MAGI1: variants seen among roughly 807,000 people sequenced by gnomAD.
The protein encoded by MAGI1 is membrane-associated guanylate kinase, WW and PDZ domain-containing protein 1.
In MAGI1, 58 loss-of-function variants were observed where a neutral mutation model predicts 139.9. The observed-to-expected ratio is 0.41, with a 90% CI of 0.34 to 0.52. The LOEUF is 0.52. Among genes scored for constraint, MAGI1 ranks in the 20% least tolerant of loss-of-function variants. MAGI1 has a pLI of 0.12. For missense variants in MAGI1, 1,874 were observed against 1,901.6 expected, an observed-to-expected ratio of 0.99 and a Z score of 0.27; for synonymous variants, 812 against 737.9, an observed-to-expected ratio of 1.10 and a Z score of -1.63.
At chr3:65,359,781 A>G (rs1360023022) in intron 22 of MAGI1, 13 of 985,546 alleles carry the variant, frequency 1.3e-5, no homozygotes, top group Non-Finnish European at 1.6e-5. Flanking sequence ...CCCAAAGAAC[A>G]TTTGTTAGTG....
intron 1 of MAGI1, among the ~76,000 whole-genome samples, chr3:65,892,667 G>C (rs947859139): frequency 1.3e-5 from 2 of 152,090 alleles, no homozygotes; most frequent in African/African-American, 4.8e-5. Flanking sequence ...TCCCAAATCA[G>C]CCTAACAGTA....
rs115918492 is a variant in MAGI1 at position 65,620,846 on chromosome 3, A to G, written c.430+1126T>C. 3.8e-3 allele frequency among the ~76,000 whole-genome samples: 573 copies of G among 152,296 alleles called. 7 individuals carry two copies. Among genetic ancestry groups the G allele is most frequent in the African/African-American group, 0.013 (554 of 41,568 alleles). ...CTGTTTTATTAATGAGTAAAATGGA[A>G]AGCCAGGGGCTATTCTAGAATCTGA... is the stretch of plus-strand genomic sequence containing the variant. On this transcript the variant is annotated intron_variant, in intron 2 of 22. Coordinates refer to ENST00000402939, the MANE Select transcript of MAGI1 (RefSeq NM_001033057.2).
intron 3 of MAGI1, among the ~76,000 whole-genome samples, chr3:65,487,722 T>C (rs541835711): frequency 3.3e-5 from 5 of 152,286 alleles, no homozygotes; most frequent in East Asian, 3.9e-4. Flanking sequence ...CAAAAGAAGA[T>C]CACCACTCCT....
At chr3:65,950,270 A>G (rs1184895535) in intron 1 of MAGI1, among the ~76,000 whole-genome samples, 1 of 152,066 alleles carries the variant, frequency 6.6e-6, no homozygotes, top group Non-Finnish European at 1.5e-5. Context: ...GAAATTACCT[A>G]GCTTTAGTTC....
At chr3:65,464,541 AT>A (rs138455981) in intron 5 of MAGI1, among the ~76,000 whole-genome samples, 5,966 of 152,138 alleles carry the variant, frequency 0.039, 387 homozygotes, top group African/African-American at 0.13. Context: ...TTTGCTTCTA[AT>A]TCATTGGAGA....
intron 1 of MAGI1, among the ~76,000 whole-genome samples, chr3:65,883,859 C>A (rs1342861324): frequency 6.6e-6 from 1 of 152,096 alleles, no homozygotes; most frequent in East Asian, 1.9e-4. Flanking sequence ...ATGTCACTCC[C>A]CCGAATAAAC....
intron 3 of MAGI1, among the ~76,000 whole-genome samples, chr3:65,479,867 A>C (rs1428752717): frequency 6.6e-6 from 1 of 152,154 alleles, no homozygotes; most frequent in African/African-American, 2.4e-5. Flanking sequence ...TCAAAGTTTG[A>C]AAAACACAGT....
At chr3:65,802,013 T>C (rs894399262) in intron 1 of MAGI1, among the ~76,000 whole-genome samples, 1 of 152,096 alleles carries the variant, frequency 6.6e-6, no homozygotes, top group African/African-American at 2.4e-5. Context: ...ACACTCCTTA[T>C]TAGAATCTAA....
At chr3:65,381,663 T>C (rs533108385) in intron 16 of MAGI1, among the ~76,000 whole-genome samples, 3 of 152,224 alleles carry the variant, frequency 2.0e-5, no homozygotes, top group Non-Finnish European at 4.4e-5. Flanking sequence ...CTGGAAGCCT[T>C]TGTTGAACAC....
intron 2 of MAGI1, among the ~76,000 whole-genome samples, chr3:65,592,916 G>C (rs1007968494): frequency 2.0e-5 from 3 of 152,014 alleles, no homozygotes; most frequent in Non-Finnish European, 2.9e-5. Context: ...AATTAAGATG[G>C]GTTCTAATAC....
Position 65,505,637 on chromosome 3 carries a change from A to AAATAATAATAATAAT in MAGI1, c.431-12021_431-12007dup, listed in dbSNP as rs142787163. ...ACTCCAGCCTGGGCGACAAAGTCTAAAATAATAATAATAATAATAATAATA... is the reference window on the plus strand; with the variant it reads ...ACTCCAGCCTGGGCGACAAAGTCTAAAATAATAATAATAATAATAATAATAATAATAATAATAATA... On this transcript the variant is annotated intron_variant, in intron 2 of 22. Transcript: ENST00000402939. Among the ~76,000 whole-genome samples the AAATAATAATAATAAT allele has an allele frequency of 2.0e-3, 289 of 144,388 alleles. 1 individual carries two copies. The highest frequency in any genetic ancestry group is 8.2e-3 in the East Asian group (40 of 4,872). The allele number at this position is 144,388 out of a possible 152,430, so 94.7% of individuals were successfully genotyped here. A position where few individuals can be genotyped will look rare whatever the true frequency, so the allele number is the denominator to read the frequency against.
chr3:65,590,755 C>A (rs149394573), intron 2 of MAGI1, among the ~76,000 whole-genome samples: 1 of 152,234 alleles, frequency 6.6e-6, no homozygotes, highest in African/African-American at 2.4e-5. Flanking sequence ...CTTCACAGGA[C>A]AGGATAAATT....
At chr3:65,748,665 A>G (rs1380051444) in intron 1 of MAGI1, among the ~76,000 whole-genome samples, 1 of 152,172 alleles carries the variant, frequency 6.6e-6, no homozygotes, top group East Asian at 1.9e-4. Context: ...AAGTTGTAGG[A>G]AGAGATTTAA....
At chr3:65,639,311 T>C (rs772748014) in intron 1 of MAGI1, among the ~76,000 whole-genome samples, 1 of 152,226 alleles carries the variant, frequency 6.6e-6, no homozygotes, top group Non-Finnish European at 1.5e-5. Flanking sequence ...GGAAATGTTC[T>C]ATGTTGAAAT....
At chr3:65,941,196 A>C (rs146454072) in intron 1 of MAGI1, among the ~76,000 whole-genome samples, 1 of 152,048 alleles carries the variant, frequency 6.6e-6, no homozygotes, top group African/African-American at 2.4e-5. Flanking sequence ...AAACTACAAA[A>C]ATTAGCTGAG....
chr3:65,788,658 G>A lies in MAGI1; in HGVS notation c.314-166570C>T, dbSNP rs76993451. Among the ~76,000 whole-genome samples, 467 of 152,286 alleles carry A rather than the reference G, an allele frequency of 3.1e-3. 4 individuals are homozygous for A. The highest frequency in any genetic ancestry group is 0.01 in the African/African-American group (429 of 41,552). Reference sequence around the variant, plus strand: ...GCTCACTCTAAATTACTTCCAGTTTGCATTCTGTTTATTGTGACCCACACC... The same window carrying A: ...GCTCACTCTAAATTACTTCCAGTTTACATTCTGTTTATTGTGACCCACACC... On this transcript the variant is annotated intron_variant, in intron 1 of 22. Transcript: ENST00000402939.
chr3:65,950,913 C>G lies in MAGI1; in HGVS notation c.313+87083G>C, dbSNP rs531645472. ...CCACATTAAAAGAATTGTCTTGGACCGCACATAAAATACACTAGGAACAAT... is the reference window on the plus strand; with the variant it reads ...CCACATTAAAAGAATTGTCTTGGACGGCACATAAAATACACTAGGAACAAT... On this transcript the variant is annotated intron_variant, in intron 1 of 22. Coordinates refer to ENST00000402939, the MANE Select transcript of MAGI1 (RefSeq NM_001033057.2). Among the ~76,000 whole-genome samples, 224 of 147,864 alleles carry G rather than the reference C, an allele frequency of 1.5e-3. 2 individuals are homozygous for G. Among genetic ancestry groups the G allele is most frequent in the African/African-American group, 5.2e-3 (208 of 39,746 alleles).
chr3:65,900,230 G>A (rs1388751051), intron 1 of MAGI1, among the ~76,000 whole-genome samples: 1 of 152,042 alleles, frequency 6.6e-6, no homozygotes, highest in African/African-American at 2.4e-5. Flanking sequence ...AGGCATCCTT[G>A]GACTCATTAA....
At chr3:65,388,759 G>A (rs1021296872) in intron 14 of MAGI1, among the ~76,000 whole-genome samples, 18 of 150,628 alleles carry the variant, frequency 1.2e-4, no homozygotes, top group Non-Finnish European at 2.2e-4. Flanking sequence ...AAAGGAACAG[G>A]TTCTCATTTG....
Sources: allele counts gnomAD v4.1 joint callset (sites outside exome capture counted in the v4.1 genomes callset), GRCh38; gene constraint gnomAD v4.1.1; transcripts MANE v1.5; gene names NCBI Gene and HGNC (gene_info 2026-07-23, HGNC 2026-07-21).